CCDC63: variants seen among roughly 807,000 people sequenced by gnomAD.
CCDC63 encodes the protein coiled-coil domain-containing protein 63.
CCDC63 carries 54 observed loss-of-function variants against 63.6 expected under a neutral mutation model. The ratio of observed to expected loss-of-function variants is 0.85; its 90% confidence interval spans 0.68 to 1.07. CCDC63 has a LOEUF of 1.07. CCDC63 is among the 50% of genes least tolerant of loss of function. The pLI is 0.00. For synonymous variants in CCDC63, 253 were observed against 266.1 expected, an observed-to-expected ratio of 0.95 and a Z score of 0.48; for missense variants, 637 against 689.6, an observed-to-expected ratio of 0.92 and a Z score of 0.86.
chr12:110,900,812 A>C lies in CCDC63; in HGVS notation c.1342+1687A>C, dbSNP rs1462753266. 4.6e-5 allele frequency among the ~76,000 whole-genome samples: 7 copies of C among 152,094 alleles called. No individual in the cohort carries two copies. In the East Asian group the frequency reaches 1.2e-3, roughly 25 times the overall value. Reference sequence around the variant, plus strand: ...ATGGGGTTTCACCATGTTGGCCAGGATGGTCTCGATCTCCTGACCTCGTGA... The same window carrying C: ...ATGGGGTTTCACCATGTTGGCCAGGCTGGTCTCGATCTCCTGACCTCGTGA... On this transcript the variant is annotated intron_variant, in intron 10 of 11. Transcript: ENST00000308208.
At position 110,904,722 on chromosome 12, in the gene CCDC63, C is replaced by T; in HGVS notation, c.1477C>T (p.Pro493Ser). 6.2e-7 allele frequency: 1 copy of T among 1,614,034 alleles called. No individual in the cohort carries two copies. The highest frequency in any genetic ancestry group is 8.5e-7 in the Non-Finnish European group (1 of 1,179,950). Residue 493 changes from proline to serine, a missense_variant, in exon 11 of 12, where the codon CCC (proline) becomes TCC (serine). Transcript: ENST00000308208. ...CTGGGGTGGCTCTGCCCTCCTCAAGCCCCCAGAACCCATCAAAGTCATCCC... is the reference window on the plus strand; with the variant it reads ...CTGGGGTGGCTCTGCCCTCCTCAAGTCCCCAGAACCCATCAAAGTCATCCC... Reference protein sequence around the residue: ...PFWGGSALLKPPEPIKVIPPV... With the variant: ...PFWGGSALLKSPEPIKVIPPV...
chr12:110,865,874 C>T (rs950250769), intron 4 of CCDC63, among the ~76,000 whole-genome samples: 1 of 152,212 alleles, frequency 6.6e-6, no homozygotes, highest in African/African-American at 2.4e-5. Context: ...CCGTGAAGGT[C>T]GGTGCAATGG....
chr12:110,852,997 T>C (rs2070724703), intron 2 of CCDC63, 34 bp downstream of exon 2: 2 of 1,609,916 alleles, frequency 1.2e-6, no homozygotes, highest in Non-Finnish European at 1.7e-6. Flanking sequence ...ACAGAGCACC[T>C]ACTATGGGGT....
chr12:110,890,406 G>C (rs1450307566), intron 8 of CCDC63, among the ~76,000 whole-genome samples: 1 of 152,156 alleles, frequency 6.6e-6, no homozygotes, highest in Non-Finnish European at 1.5e-5. Flanking sequence ...GCAATGCTAT[G>C]TTAGGAGATG....
intron 4 of CCDC63, among the ~76,000 whole-genome samples, chr12:110,869,858 C>A (rs1219646320): frequency 6.6e-6 from 1 of 152,140 alleles, no homozygotes; most frequent in Non-Finnish European, 1.5e-5. Flanking sequence ...TAATACCCAA[C>A]CAAGAGAGGC....
chr12:110,905,268 G>A (rs560103089), intron 11 of CCDC63, among the ~76,000 whole-genome samples: 52 of 151,858 alleles, frequency 3.4e-4, no homozygotes, highest in African/African-American at 1.2e-3. Context: ...CTAACCCCAC[G>A]GTTGAAGCAG....
At chr12:110,846,151 G>A (rs1338543774), upstream of CCDC63, among the ~76,000 whole-genome samples, 4 of 151,984 alleles carry the variant, frequency 2.6e-5, no homozygotes, top group Admixed American at 6.6e-5. Context: ...AAGAATTTAC[G>A]GATGAAGTGG....
At chr12:110,892,325 C>G (rs1347743658) in intron 8 of CCDC63, among the ~76,000 whole-genome samples, 2 of 152,082 alleles carry the variant, frequency 1.3e-5, no homozygotes, top group Non-Finnish European at 2.9e-5. Context: ...CCTGTAATCC[C>G]AGCACTTTGG....
rs1369680912 is a variant in CCDC63, at chr12:110,888,853, C to G, written c.1075-4223C>G. 4.5e-5 allele frequency among the ~76,000 whole-genome samples: 4 copies of G among 88,774 alleles called. No individual in the cohort carries two copies. In the East Asian group the frequency reaches 1.4e-3, roughly 31 times the overall value. 58.2% of individuals were successfully genotyped at this position (88,774 alleles called of 152,430 possible). A position where few individuals can be genotyped will look rare whatever the true frequency, so the allele number is the denominator to read the frequency against. On this transcript the variant is annotated intron_variant, in intron 8 of 11. Transcript: ENST00000308208. ...TCCTTCCTTCCTTCCTTCCTTCCTTCCTTCCTTCGTTTTTCTTTCTTTTTC... is the reference window on the plus strand; with the variant it reads ...TCCTTCCTTCCTTCCTTCCTTCCTTGCTTCCTTCGTTTTTCTTTCTTTTTC...
chr12:110,870,256 A>G (rs985924551), intron 4 of CCDC63, among the ~76,000 whole-genome samples: 1 of 152,020 alleles, frequency 6.6e-6, no homozygotes, highest in Non-Finnish European at 1.5e-5. Flanking sequence ...TAATTTTTGT[A>G]TTTCTAGTAG....
chr12:110,883,999 G>A, intron 7 of CCDC63, 31 bp from the exon 8 acceptor site: 1 of 1,555,760 alleles, frequency 6.4e-7, no homozygotes, highest in East Asian at 2.2e-5. Context: ...TTCCTTTTGA[G>A]TGTCACAGTG....
intron 5 of CCDC63, among the ~76,000 whole-genome samples, chr12:110,874,301 C>A (rs1032163794): frequency 2.0e-5 from 3 of 152,162 alleles, no homozygotes; most frequent in Non-Finnish European, 2.9e-5. Context: ...CTGTGACAAG[C>A]TGCTCATGCC....
upstream of CCDC63, among the ~76,000 whole-genome samples, chr12:110,844,520 G>C (rs1409984651): frequency 6.6e-6 from 1 of 152,196 alleles, no homozygotes; most frequent in African/African-American, 2.4e-5. Flanking sequence ...GGGTAGAAAA[G>C]CATCTCCCTC....
chr12:110,868,140 CG>C (rs1364281347), intron 4 of CCDC63, among the ~76,000 whole-genome samples: 1 of 149,194 alleles, frequency 6.7e-6, no homozygotes, highest in Non-Finnish European at 1.5e-5. Flanking sequence ...GATGGGCGGC[CG>C]GGCAGAGACG....
chr12:110,892,356 G>A (rs989775510), intron 8 of CCDC63, among the ~76,000 whole-genome samples: 2 of 152,088 alleles, frequency 1.3e-5, no homozygotes, highest in Non-Finnish European at 2.9e-5. Context: ...CGGAAGGATT[G>A]CTTGAGTGTA....
At chr12:110,868,459 C>T (rs1042895727) in intron 4 of CCDC63, among the ~76,000 whole-genome samples, 4 of 150,702 alleles carry the variant, frequency 2.7e-5, no homozygotes, top group Non-Finnish European at 5.9e-5. Flanking sequence ...ACTGAGTGAA[C>T]GAGACTCCGT....
rs1350383078 is a variant in CCDC63 at position 110,889,398 on chromosome 12, G to A, written c.1075-3678G>A. 1.3e-5 allele frequency among the ~76,000 whole-genome samples: 2 copies of A among 152,196 alleles called. No homozygotes were observed. The highest frequency in any genetic ancestry group is 2.4e-5 in the African/African-American group (1 of 41,442). On this transcript the variant is annotated intron_variant, in intron 8 of 11. Transcript: ENST00000308208. The surrounding 1 kb of genome is among the most constrained non-coding windows in gnomAD (Gnocchi z 4.1). ...GGGTAAAAAGATGAAGTCGCACAGCGTAAGACGGGTTTTGGAGCCGGTTGG... is the reference window on the plus strand; with the variant it reads ...GGGTAAAAAGATGAAGTCGCACAGCATAAGACGGGTTTTGGAGCCGGTTGG...
Position 110,868,539 on chromosome 12 carries a change from G to C in CCDC63, c.370-5303G>C, listed in dbSNP as rs976449788. ...GCGGTTAGGGGCTGGAGACCGGCCC[G>C]GCCAACACAGCGAAACCCCGTCTCC... On this transcript the variant is annotated intron_variant, in intron 4 of 11. Transcript: ENST00000308208. 4.6e-3 allele frequency among the ~76,000 whole-genome samples: 700 copies of C among 150,996 alleles called. 3 individuals carry two copies. The highest frequency in any genetic ancestry group is 7.6e-3 in the Non-Finnish European group (515 of 67,616).
intron 1 of CCDC63, among the ~76,000 whole-genome samples, chr12:110,852,206 A>G (rs977917561): frequency 6.6e-6 from 1 of 152,164 alleles, no homozygotes; most frequent in African/African-American, 2.4e-5. Flanking sequence ...GACAGCTGCA[A>G]TTGAAGTTGG....
Sources: gnomAD v4.1 joint callset for allele counts (sites outside exome capture counted in the v4.1 genomes callset) on GRCh38, gnomAD v4.1.1 for gene constraint, Gnocchi (gnomAD v3.1) non-coding constraint, MANE v1.5 for transcripts, NCBI Gene and HGNC (gene_info 2026-07-23, HGNC 2026-07-21) for gene names.